The following TRMT6 variants were observed in gnomAD, a reference collection of about 807,000 sequenced individuals.
The protein encoded by TRMT6 is tRNA methyltransferase 6 non-catalytic subunit, also known as tRNA (adenine(58)-N(1))-methyltransferase non-catalytic subunit TRM6.
In TRMT6, 34 loss-of-function variants were observed where a neutral mutation model predicts 59.0. That is an observed-to-expected ratio of 0.58 (90% confidence interval 0.44 to 0.77). The LOEUF is 0.77. Among genes scored for constraint, TRMT6 ranks in the 30% least tolerant of loss-of-function variants. The probability of loss-of-function intolerance (pLI) is 0.00; values close to 1 mark genes in which losing one functional copy is unlikely to be tolerated. For synonymous variants in TRMT6, 217 were observed against 210.5 expected, an observed-to-expected ratio of 1.03 and a Z score of -0.27; for missense variants, 575 against 604.5, an observed-to-expected ratio of 0.95 and a Z score of 0.51.
intron 8 of TRMT6, chr20:5,941,572 G>C (rs41301756): frequency 1.1e-5 from 6 of 555,652 alleles, no homozygotes; most frequent in Non-Finnish European, 1.9e-5. Context: ...ACTCTAAGTC[G>C]CATTTAATGA....
chr20:5,941,552 G>A (rs1046458899), intron 8 of TRMT6: 61 of 574,486 alleles, frequency 1.1e-4, no homozygotes, highest in African/African-American at 1.0e-3. Context: ...AGCTCTTGTG[G>A]TACTTGGCAA....
At chr20:5,943,157 C>T (rs745551142) in intron 6 of TRMT6, among the ~76,000 whole-genome samples, 4 of 152,144 alleles carry the variant, frequency 2.6e-5, no homozygotes, top group Non-Finnish European at 5.9e-5. Context: ...AAAAACCAGA[C>T]AAATCAGGCT....
At chr20:5,943,708 C>A in intron 5 of TRMT6, 25 bp from the exon 6 acceptor site, 1 of 1,604,654 alleles carries the variant, frequency 6.2e-7, no homozygotes, top group South Asian at 1.1e-5. Context: ...ATAATTTGTT[C>A]ATTTTTAGCT....
chr20:5,948,725 A>C (rs1264338392), intron 1 of TRMT6, among the ~76,000 whole-genome samples: 1 of 152,170 alleles, frequency 6.6e-6, no homozygotes, highest in East Asian at 1.9e-4. Flanking sequence ...GAATTTAAAA[A>C]TGGTTAAAGG....
intron 10 of TRMT6, among the ~76,000 whole-genome samples, chr20:5,939,084 C>T (rs236171): frequency 0.84 from 128,019 of 152,118 alleles, 54,137 homozygotes; most frequent in East Asian, 1. Context: ...ATTACAGATA[C>T]GAGCCACGGC....
At position 5,944,792 on chromosome 20, in the gene TRMT6, CT is replaced by C; in HGVS notation, c.366+12del. 1 of 1,597,132 alleles carries C rather than the reference CT, an allele frequency of 6.3e-7. No individual in the cohort carries two copies. Among genetic ancestry groups the C allele is most frequent in the Non-Finnish European group, 8.6e-7 (1 of 1,167,940 alleles). ...ACAGACAAAAACAAAACTAAAAATC[CT>C]TTGAATATTACCTCTCCTTTAATGC... On this transcript the variant is annotated intron_variant, in intron 3 of 10. Transcript: ENST00000203001.
In TRMT6 at chr20:5,946,476, A is replaced by G. The variant is rs772151505; in HGVS notation, c.186T>C (p.Tyr62=). The change falls in exon 2 of 11, where the codon TAT becomes TAC. Residue 62 remains tyrosine, a synonymous_variant. Coordinates refer to ENST00000203001, the MANE Select transcript of TRMT6 (RefSeq NM_015939.5). ...CACTGGTCACTTCAAATGCAGTTCC[A>G]TAACTATGGCCAATGACGTTATCCA... ...FYLDNVIGHS[Y]GTAFEVTSGG... 3.5e-5 allele frequency: 56 copies of G among 1,614,110 alleles called. No homozygotes were observed. Among genetic ancestry groups the G allele is most frequent in the Non-Finnish European group, 3.7e-5 (44 of 1,180,044 alleles).
intron 2 of TRMT6, 93 bp downstream of exon 2, chr20:5,946,313 A>G: frequency 6.8e-7 from 1 of 1,480,178 alleles, no homozygotes; most frequent in Non-Finnish European, 9.3e-7. Flanking sequence ...CTTTTGGGAT[A>G]GCATGGCCTA....
chr20:5,939,388 G>C (rs1271829687), intron 10 of TRMT6, among the ~76,000 whole-genome samples: 2 of 151,766 alleles, frequency 1.3e-5, no homozygotes, highest in Admixed American at 6.6e-5. Flanking sequence ...GGCTGAGGCA[G>C]GAGAATTGCT....
At chr20:5,946,680 G>C in intron 1 of TRMT6, 147 bp from the exon 2 acceptor site, 1 of 737,556 alleles carries the variant, frequency 1.4e-6, no homozygotes, top group Non-Finnish European at 2.2e-6. Flanking sequence ...AGGAACTAGA[G>C]AGAACCTGGT....
chr20:5,943,473 T>G (rs1277121239), intron 6 of TRMT6, 86 bp downstream of exon 6: 4 of 1,551,344 alleles, frequency 2.6e-6, no homozygotes, highest in Non-Finnish European at 3.5e-6. Context: ...GTAATTCAAT[T>G]TGGCTTTCCA....
intron 1 of TRMT6, among the ~76,000 whole-genome samples, chr20:5,947,279 G>A (rs539384128): frequency 4.3e-4 from 65 of 152,142 alleles, no homozygotes; most frequent in Non-Finnish European, 8.2e-4. Flanking sequence ...ACCTAAGGAC[G>A]GTAGAAAGCC....
intron 1 of TRMT6, among the ~76,000 whole-genome samples, chr20:5,946,774 A>C (rs559545707): frequency 6.6e-6 from 1 of 152,308 alleles, no homozygotes; most frequent in East Asian, 1.9e-4. Context: ...CGAAGTAACA[A>C]GGATTTAACA....
intron 8 of TRMT6, 33 bp downstream of exon 8, chr20:5,941,918 T>G: frequency 6.3e-7 from 1 of 1,575,000 alleles, no homozygotes; most frequent in Non-Finnish European, 8.7e-7. Context: ...CCACATGCAC[T>G]GAGGAGTCTC....
intron 1 of TRMT6, among the ~76,000 whole-genome samples, chr20:5,948,103 G>A (rs973167246): frequency 2.0e-5 from 3 of 152,080 alleles, no homozygotes; most frequent in Non-Finnish European, 4.4e-5. Flanking sequence ...CTGGGGGACC[G>A]AGTGAGATCC....
chr20:5,950,242 G>C (rs2088776448), intron 1 of TRMT6, 36 bp downstream of exon 1: 2 of 1,548,554 alleles, frequency 1.3e-6, no homozygotes, highest in African/African-American at 1.4e-5. Flanking sequence ...TACAAGGTGG[G>C]GGCGGGAGAC....
At position 5,946,627 on chromosome 20, in the gene TRMT6, C is replaced by T. The variant is rs903398554; in HGVS notation, c.129-94G>A. The T allele has an allele frequency of 9.4e-6, 11 of 1,174,304 alleles. No individual in the cohort carries two copies. The Admixed American group carries it at 2.1e-4, about 22-fold the overall frequency. 72.7% of individuals were successfully genotyped at this position (1,174,304 alleles called of 1,614,324 possible). ...CAGTTTATTTCAAAAGTGGTCTCCA[C>T]AATGGATGATCAGCAGCATTATCTC... On this transcript the variant is annotated intron_variant, in intron 1 of 10. Coordinates refer to ENST00000203001, the MANE Select transcript of TRMT6 (RefSeq NM_015939.5).
At chr20:5,946,319 G>T in intron 2 of TRMT6, 87 bp downstream of exon 2, 1 of 1,532,136 alleles carries the variant, frequency 6.5e-7, no homozygotes, top group Non-Finnish European at 9.0e-7. Context: ...GGATAGCATG[G>T]CCTAGCACTT....
chr20:5,950,220 G>A, intron 1 of TRMT6, 58 bp downstream of exon 1: 6 of 1,491,792 alleles, frequency 4.0e-6, no homozygotes, highest in Non-Finnish European at 4.5e-6. Flanking sequence ...AAACCTGGAG[G>A]GAGGGGGTAT....
Sources: allele counts gnomAD v4.1 joint callset (sites outside exome capture counted in the v4.1 genomes callset), GRCh38; gene constraint gnomAD v4.1.1; transcripts MANE v1.5; gene names NCBI Gene and HGNC (gene_info 2026-07-23, HGNC 2026-07-21).